The following FAM186A variants were observed in gnomAD, a reference collection of about 807,000 sequenced individuals.
FAM186A encodes protein FAM186A.
FAM186A carries 163 observed loss-of-function variants against 216.8 expected under a neutral mutation model. The ratio of observed to expected loss-of-function variants is 0.75; its 90% confidence interval spans 0.66 to 0.86. FAM186A has a LOEUF of 0.86. FAM186A is among the 40% of genes least tolerant of loss of function. The pLI, the probability that FAM186A is intolerant of heterozygous loss-of-function variation, is 0.00. For synonymous variants in FAM186A, 805 were observed against 1,025.3 expected, an observed-to-expected ratio of 0.79 and a Z score of 4.10; for missense variants, 2,184 against 2,746.2, an observed-to-expected ratio of 0.80 and a Z score of 4.58.
chr12:50,387,659 T>G (rs150737391), intron 1 of FAM186A, among the ~76,000 whole-genome samples: 45 of 152,310 alleles, frequency 3.0e-4, no homozygotes, highest in African/African-American at 1.0e-3. Context: ...TGCTTCACCC[T>G]AATATTACTA....
At chr12:50,382,590 C>CTT (rs1565895982) in intron 1 of FAM186A, among the ~76,000 whole-genome samples, 6 of 151,864 alleles carry the variant, frequency 4.0e-5, no homozygotes, top group African/African-American at 2.4e-5. Context: ...ATCCCAGCTA[C>CTT]GCAGGAGGCT....
At chr12:50,362,720 G>A (rs1718244855) in intron 2 of FAM186A, among the ~76,000 whole-genome samples, 1 of 131,624 alleles carries the variant, frequency 7.6e-6, no homozygotes, top group African/African-American at 3.0e-5. Flanking sequence ...CTCCAGTCTG[G>A]GTAACACAGT....
intron 4 of FAM186A, among the ~76,000 whole-genome samples, chr12:50,344,307 C>T (rs1478664800): frequency 1.3e-5 from 2 of 152,026 alleles, no homozygotes; most frequent in African/African-American, 4.8e-5. Context: ...GTCTGTTGTT[C>T]CCATCTTTAT....
chr12:50,364,274 G>A (rs1943065978), intron 1 of FAM186A, among the ~76,000 whole-genome samples: 1 of 152,162 alleles, frequency 6.6e-6, no homozygotes, highest in Non-Finnish European at 1.5e-5. Flanking sequence ...TAAACACAAG[G>A]CTGGGTGCGG....
chr12:50,327,405 C>A lies in FAM186A; in HGVS notation c.7035-1G>T, dbSNP rs1192505462. The A allele has an allele frequency of 1.3e-6, 2 of 1,546,702 alleles. No individual in the cohort carries two copies. Among genetic ancestry groups the A allele is most frequent in the Admixed American group, 3.9e-5 (2 of 50,812 alleles). ...CAGTCATTTGGGAATCTTCTTAACC[C>A]TGGAAATGAGACAAGAAAATTAACC... On this transcript the variant is annotated splice_acceptor_variant, in intron 7 of 7. Transcript: ENST00000327337. LOFTEE classifies it high-confidence loss of function.
At position 50,330,632 on chromosome 12, in the gene FAM186A, C is replaced by T; in HGVS notation, c.6975G>A (p.Arg2325=). 6.4e-7 allele frequency: 1 copy of T among 1,550,586 alleles called. No homozygotes were observed. The highest frequency in any genetic ancestry group is 8.7e-7 in the Non-Finnish European group (1 of 1,146,506). Residue 2325 remains arginine (R), a synonymous_variant, in exon 7 of 8, where the codon AGG becomes AGA. Coordinates refer to ENST00000327337, the MANE Select transcript of FAM186A (RefSeq NM_001145475.3). ...TAGACTGCACTTCTAACTGAAGCAGCCTGGGAATATCTGGGTACCCACCCA... is the reference window on the plus strand; with the variant it reads ...TAGACTGCACTTCTAACTGAAGCAGTCTGGGAATATCTGGGTACCCACCCA... ...AQLGGYPDIP[R]LLQLEVQSTF...
chr12:50,365,677 C>A (rs1943080537), intron 1 of FAM186A: 1 of 718,088 alleles, frequency 1.4e-6, no homozygotes, highest in African/African-American at 1.7e-5. Context: ...TTTGTGACTT[C>A]CGACTGAAGC....
chr12:50,372,422 G>A (rs1235876806), intron 1 of FAM186A, among the ~76,000 whole-genome samples: 10 of 146,980 alleles, frequency 6.8e-5, no homozygotes, highest in African/African-American at 1.3e-4. Context: ...TGAAACCCCC[G>A]TCTCTACTAA....
intron 2 of FAM186A, 68 bp downstream of exon 2, chr12:50,363,077 A>T: frequency 7.9e-7 from 1 of 1,268,214 alleles, no homozygotes; most frequent in Non-Finnish European, 1.1e-6. Flanking sequence ...TTCAAAATTT[A>T]CTTATATATT....
intron 1 of FAM186A, among the ~76,000 whole-genome samples, chr12:50,374,711 G>A (rs751866700): frequency 4.6e-5 from 7 of 152,130 alleles, no homozygotes; most frequent in East Asian, 1.9e-4. Context: ...AATGGTAAAC[G>A]TCTCAAGTGC....
At chr12:50,333,316 G>A (rs2138758376) in intron 5 of FAM186A, among the ~76,000 whole-genome samples, 1 of 152,172 alleles carries the variant, frequency 6.6e-6, no homozygotes, top group South Asian at 2.1e-4. Flanking sequence ...TGGATCACCT[G>A]AGGTCAGGAA....
intron 1 of FAM186A, among the ~76,000 whole-genome samples, chr12:50,370,368 G>C (rs1245177930): frequency 6.6e-6 from 1 of 151,812 alleles, no homozygotes; most frequent in African/African-American, 2.4e-5. Flanking sequence ...ATCCAAAAAA[G>C]ATATACAAAT....
chr12:50,372,975 G>A (rs1412678529), intron 1 of FAM186A, among the ~76,000 whole-genome samples: 2 of 98,590 alleles, frequency 2.0e-5, no homozygotes, highest in African/African-American at 3.0e-5. Flanking sequence ...AGGGAGGGAC[G>A]GAGGGAGGAA....
In FAM186A at chr12:50,331,664, A is replaced by C. The variant is rs2138757055; in HGVS notation, c.6848+6T>G. The C allele has an allele frequency of 6.5e-7, 1 of 1,537,736 alleles. No individual in the cohort carries two copies. The highest frequency in any genetic ancestry group is 8.7e-7 in the Non-Finnish European group (1 of 1,144,070). On this transcript the variant is annotated splice_donor_region_variant and intron_variant, in intron 6 of 7. Coordinates refer to ENST00000327337, the MANE Select transcript of FAM186A (RefSeq NM_001145475.3). Reference sequence around the variant, plus strand: ...AAAGTTTAATATCAGTCTTTCTAGCACATACCTAAATTTCTTGCATATGTC... The same window carrying C: ...AAAGTTTAATATCAGTCTTTCTAGCCCATACCTAAATTTCTTGCATATGTC...
At chr12:50,368,499 TGAGA>T (rs1251708687) in intron 1 of FAM186A, among the ~76,000 whole-genome samples, 1 of 152,044 alleles carries the variant, frequency 6.6e-6, no homozygotes, top group Non-Finnish European at 1.5e-5. Flanking sequence ...AAAATGTTAC[TGAGA>T]GAAATTAAAG....
At chr12:50,382,896 C>A (rs995219824) in intron 1 of FAM186A, among the ~76,000 whole-genome samples, 3 of 151,976 alleles carry the variant, frequency 2.0e-5, no homozygotes, top group African/African-American at 7.3e-5. Context: ...TCTCTTTGAT[C>A]CCTTTCTTTT....
At chr12:50,378,558 G>GTA (rs144897665) in intron 1 of FAM186A, among the ~76,000 whole-genome samples, 221 of 14,386 alleles carry the variant, frequency 0.015, 2 homozygotes, top group African/African-American at 0.018. Context: ...TATGTAAATT[G>GTA]TATATATATA....
intron 4 of FAM186A, among the ~76,000 whole-genome samples, chr12:50,334,717 A>G (rs1275460128): frequency 6.6e-6 from 1 of 152,002 alleles, no homozygotes; most frequent in Admixed American, 6.6e-5. Flanking sequence ...ACCTCAAGCG[A>G]TCCTCCTGCC....
chr12:50,330,933 G>A (rs1186633991), intron 6 of FAM186A, among the ~76,000 whole-genome samples, 175 bp from the exon 7 acceptor site: 2 of 152,070 alleles, frequency 1.3e-5, no homozygotes, highest in African/African-American at 2.4e-5. Flanking sequence ...AGCAGAATTC[G>A]CTGAGTTACC....
Sources: gnomAD v4.1 joint callset for allele counts (sites outside exome capture counted in the v4.1 genomes callset) on GRCh38, gnomAD v4.1.1 for gene constraint, MANE v1.5 for transcripts, NCBI Gene and HGNC (gene_info 2026-07-23, HGNC 2026-07-21) for gene names.